The following COL4A4 variants were observed in gnomAD, a reference collection of about 807,000 sequenced individuals.
COL4A4 encodes collagen type IV alpha 4 chain.
Under a neutral mutation model 192.9 loss-of-function variants are expected in COL4A4, and 105 were observed. The observed-to-expected ratio is 0.54, with a 90% CI of 0.46 to 0.64. The LOEUF (loss-of-function observed/expected upper bound fraction) is 0.64, where lower values mean the gene tolerates loss of function less well. Among genes scored for constraint, COL4A4 ranks in the 30% least tolerant of loss-of-function variants. The pLI is 0.00. For synonymous variants in COL4A4, 762 were observed against 769.9 expected (o/e 0.99, Z 0.17); for missense variants, 1,967 against 2,169.3 (o/e 0.91, Z 1.85).
At chr2:227,161,575 A>G (rs2064836669) in intron 1 of COL4A4, among the ~76,000 whole-genome samples, 1 of 152,200 alleles carries the variant, frequency 6.6e-6, no homozygotes, top group Admixed American at 6.5e-5. Flanking sequence ...CCTGTCAAAC[A>G]TTGTTCTAAA....
intron 7 of COL4A4, among the ~76,000 whole-genome samples, chr2:227,117,309 T>A (rs1204282153): frequency 6.6e-6 from 1 of 152,216 alleles, no homozygotes; most frequent in Non-Finnish European, 1.5e-5. Context: ...TGAATGCTCA[T>A]GAATCTGTAG....
At chr2:227,015,198 G>A (rs1037850765) in intron 44 of COL4A4, among the ~76,000 whole-genome samples, 2 of 152,078 alleles carry the variant, frequency 1.3e-5, no homozygotes, top group African/African-American at 4.8e-5. Context: ...ACCACACCCA[G>A]CCCTTATTTC....
chr2:227,050,068 C>T lies in COL4A4; in HGVS notation c.3214G>A (p.Gly1072Arg), dbSNP rs1192591713. Residue 1072 changes from glycine to arginine, a missense_variant and splice_region_variant, in exon 34 of 48, where the codon GGA becomes AGA. Physicochemically the swap from Gly to Arg is moderately radical, Grantham distance 125. Coordinates refer to ENST00000396625, the MANE Select transcript of COL4A4 (RefSeq NM_000092.5). The stretch of plus-strand genomic sequence containing the variant: ...TGGCTTCTGTATCTCCAAACCATAC[C>T]TTTAGGTCCTCTTGCTCCATCAATT... ...SGIDGARGPK[G>R]NKGDPASHFG... is the part of the protein sequence containing the mutation. 3 of 1,614,020 alleles carry T rather than the reference C, an allele frequency of 1.9e-6. No homozygotes were observed. Among genetic ancestry groups the T allele is most frequent in the Non-Finnish European group, 2.5e-6 (3 of 1,179,882 alleles).
chr2:226,976,965 G>A, the COL4A4 span, among the ~76,000 whole-genome samples: 2 of 152,196 alleles, frequency 1.3e-5, no homozygotes, highest in African/African-American at 2.4e-5. Flanking sequence ...AACAAACAGG[G>A]TGGATGGCAG....
At chr2:227,065,290 C>A (rs561146531) in intron 25 of COL4A4, among the ~76,000 whole-genome samples, 1 of 152,134 alleles carries the variant, frequency 6.6e-6, no homozygotes, top group Non-Finnish European at 1.5e-5. Flanking sequence ...AAGGCGGCAG[C>A]GAGGCTGGGG....
intron 7 of COL4A4, among the ~76,000 whole-genome samples, chr2:227,117,404 G>A (rs115160313): frequency 1.7e-3 from 263 of 152,302 alleles, no homozygotes; most frequent in African/African-American, 5.9e-3. Context: ...GAGTTTGAAA[G>A]TAAAGGATGG....
the COL4A4 span, chr2:226,969,140 CATG>C: frequency 4.7e-3 from 778 of 163,916 alleles, 4 homozygotes; most frequent in Middle Eastern, 0.02. Context: ...GTTTTATAGT[CATG>C]GTGGTGGTGG....
At chr2:227,151,020 T>G (rs1445724104) in intron 1 of COL4A4, among the ~76,000 whole-genome samples, 1 of 152,208 alleles carries the variant, frequency 6.6e-6, no homozygotes, top group African/African-American at 2.4e-5. Flanking sequence ...ACAGCATTAT[T>G]TTAGATGCAT....
rs972658958 is a variant in COL4A4, at chr2:227,135,598, C to A, written c.192+4563G>T. On this transcript the variant is annotated intron_variant, in intron 4 of 47. Coordinates refer to ENST00000396625, the MANE Select transcript of COL4A4 (RefSeq NM_000092.5). The stretch of plus-strand genomic sequence containing the variant: ...CCCCTACAGAGTCCCTGCATGCTGG[C>A]CTGACCACCAGCTCAGCTCCCAAAT... Among the ~76,000 whole-genome samples the A allele has an allele frequency of 3.8e-4, 58 of 152,034 alleles. 1 individual carries two copies. The highest frequency in any genetic ancestry group is 3.7e-3 in the Admixed American group (56 of 15,264).
At position 227,059,425 on chromosome 2, in the gene COL4A4, G is replaced by A. The variant is rs760734394; in HGVS notation, c.2363C>T (p.Pro788Leu). The change falls in exon 28 of 48, where the codon CCG becomes CTG. Residue 788 changes from proline (P) to leucine (L), a missense_variant. Pro to Leu is a moderately conservative substitution (Grantham distance 98). Coordinates refer to ENST00000396625, the MANE Select transcript of COL4A4 (RefSeq NM_000092.5). ...VPGIKGPRGD[P>L]GCPGAEGPAG... ...CATACCTTCAGCCCCTGGACATCCC[G>A]GATCACCTCTGGGTCCTTTTATCCC... 7.4e-6 allele frequency: 12 copies of A among 1,613,938 alleles called. No individual in the cohort carries two copies. The highest frequency in any genetic ancestry group is 6.6e-5 in the South Asian group (6 of 91,062).
the COL4A4 span, among the ~76,000 whole-genome samples, chr2:226,978,296 T>G: frequency 6.6e-6 from 1 of 152,224 alleles, no homozygotes; most frequent in African/African-American, 2.4e-5. Context: ...CAACCCTTCC[T>G]ATAGCCTGCT....
downstream of COL4A4, among the ~76,000 whole-genome samples, chr2:227,001,666 T>G (rs1410348206): frequency 2.0e-5 from 3 of 152,216 alleles, no homozygotes; most frequent in African/African-American, 7.2e-5. Context: ...AGATGGTGAC[T>G]GTATGACCTT....
chr2:227,148,991 C>T (rs1054150928), intron 1 of COL4A4, among the ~76,000 whole-genome samples: 19 of 151,800 alleles, frequency 1.3e-4, no homozygotes, highest in African/African-American at 3.4e-4. Context: ...CCACCACACC[C>T]GGCTAATTTT....
chr2:227,044,772 C>G (rs1440268476), intron 35 of COL4A4, among the ~76,000 whole-genome samples: 2 of 152,178 alleles, frequency 1.3e-5, no homozygotes, highest in Non-Finnish European at 2.9e-5. Flanking sequence ...GCTGCAGATT[C>G]ATGCCTTCTC....
intron 1 of COL4A4, among the ~76,000 whole-genome samples, chr2:227,151,999 T>C (rs1277309903): frequency 2.0e-5 from 3 of 152,236 alleles, no homozygotes; most frequent in African/African-American, 7.2e-5. Flanking sequence ...AAGAGTGAGA[T>C]ACTAATTTAT....
At chr2:226,971,185 C>T in the COL4A4 span, among the ~76,000 whole-genome samples, 6 of 152,152 alleles carry the variant, frequency 3.9e-5, no homozygotes, top group South Asian at 2.1e-4. Context: ...TGGCTGAAGC[C>T]GCCTCTTGCT....
intron 12 of COL4A4, among the ~76,000 whole-genome samples, chr2:227,105,188 A>ATTTT (rs36065792): frequency 3.7e-4 from 38 of 104,056 alleles, no homozygotes; most frequent in African/African-American, 4.9e-4. Flanking sequence ...CAGGATCCTG[A>ATTTT]TTTTTTTTTT....
chr2:227,009,034 T>G (rs1240619847), intron 46 of COL4A4, among the ~76,000 whole-genome samples: 1 of 151,894 alleles, frequency 6.6e-6, no homozygotes, highest in Non-Finnish European at 1.5e-5. Context: ...AGGAAAGAAA[T>G]TGATGGCAGA....
At chr2:227,018,574 G>C (rs1965385569) in intron 44 of COL4A4, among the ~76,000 whole-genome samples, 1 of 152,200 alleles carries the variant, frequency 6.6e-6, no homozygotes. Context: ...GCTTGGGAGT[G>C]GGTGCACAGG....
Sources: gnomAD v4.1 joint callset for allele counts (sites outside exome capture counted in the v4.1 genomes callset) on GRCh38, gnomAD v4.1.1 for gene constraint, MANE v1.5 for transcripts, NCBI Gene and HGNC (gene_info 2026-07-23, HGNC 2026-07-21) for gene names.